ADD3: variants seen among roughly 807,000 people sequenced by gnomAD.
ADD3 encodes adducin 3, also known as gamma-adducin.
In ADD3, 25 loss-of-function variants were observed where a neutral mutation model predicts 80.2. The observed-to-expected ratio is 0.31, with a 90% CI of 0.23 to 0.44. The LOEUF (loss-of-function observed/expected upper bound fraction) is 0.44. Among genes scored for constraint, ADD3 ranks in the 20% least tolerant of loss-of-function variants. The pLI is 1.00. For synonymous variants in ADD3, 284 were observed against 289.6 expected, an observed-to-expected ratio of 0.98 and a Z score of 0.20; for missense variants, 829 against 847.5, an observed-to-expected ratio of 0.98 and a Z score of 0.27.
At chr10:110,043,050 A>G (rs912891370) in intron 1 of ADD3, among the ~76,000 whole-genome samples, 12 of 152,226 alleles carry the variant, frequency 7.9e-5, no homozygotes, top group African/African-American at 1.9e-4. Flanking sequence ...TCTTGGCTCA[A>G]TGATCAAGAA....
At chr10:110,022,059 C>G (rs1564849417) in intron 1 of ADD3, among the ~76,000 whole-genome samples, 1 of 152,108 alleles carries the variant, frequency 6.6e-6, no homozygotes, top group Non-Finnish European at 1.5e-5. Flanking sequence ...CTTAAAGAGG[C>G]TAGGTTAAGA....
intron 3 of ADD3, among the ~76,000 whole-genome samples, chr10:110,115,319 G>A (rs1565006640): frequency 6.6e-6 from 1 of 152,114 alleles, no homozygotes; most frequent in African/African-American, 2.4e-5. Flanking sequence ...AACCTGGGAG[G>A]TGGATGTTGC....
At chr10:110,121,893 AG>A (rs569676331) in intron 8 of ADD3, 92 of 399,894 alleles carry the variant, frequency 2.3e-4, no homozygotes, top group African/African-American at 1.8e-3. Context: ...GTTTTCCATC[AG>A]GGAGGATCAG....
chr10:110,063,780 T>TAA lies in ADD3; in HGVS notation c.-29-36844_-29-36843insAA, dbSNP rs1279700118. Among the ~76,000 whole-genome samples the TAA allele has an allele frequency of 8.0e-5, 9 of 112,576 alleles. 1 individual carries two copies. The highest frequency in any genetic ancestry group is 3.0e-4 in the African/African-American group (9 of 29,542). The allele number at this position is 112,576 out of a possible 152,430, so 73.9% of individuals were successfully genotyped here. A position where few individuals can be genotyped will look rare whatever the true frequency, so the allele number is the denominator to read the frequency against. On this transcript the variant is annotated intron_variant, in intron 1 of 14. Coordinates refer to ENST00000356080, the MANE Select transcript of ADD3 (RefSeq NM_016824.5). ...ATATATATATATATATATATATATA[T>TAA]ATAAAGTGAACACCGTGTGTAACCT...
At chr10:110,117,572 A>G (rs1253829345) in intron 5 of ADD3, 150 bp downstream of exon 5, 2 of 578,128 alleles carry the variant, frequency 3.5e-6, no homozygotes, top group African/African-American at 1.9e-5. Context: ...ATGTTGTTTT[A>G]GGGAAAAGCT....
At chr10:110,116,223 G>T in intron 3 of ADD3, 36 bp from the exon 4 acceptor site, 1 of 1,608,006 alleles carries the variant, frequency 6.2e-7, no homozygotes, top group South Asian at 1.1e-5. Flanking sequence ...GGGATTGCAT[G>T]ACTCGTATCT....
At chr10:110,127,804 A>G (rs1267402697) in intron 12 of ADD3, among the ~76,000 whole-genome samples, 4 of 152,242 alleles carry the variant, frequency 2.6e-5, no homozygotes, top group African/African-American at 9.6e-5. Context: ...CGTTTCCTGT[A>G]TCTTGTGTCT....
At chr10:110,008,625 G>A (rs1851939670) in intron 1 of ADD3, among the ~76,000 whole-genome samples, 2 of 152,150 alleles carry the variant, frequency 1.3e-5, no homozygotes, top group Admixed American at 6.5e-5. Context: ...GGAAGGCGGG[G>A]AGTACCAAAA....
At chr10:110,002,525 C>T (rs941401574), upstream of ADD3, among the ~76,000 whole-genome samples, 2 of 152,024 alleles carry the variant, frequency 1.3e-5, no homozygotes, top group African/African-American at 4.8e-5. Context: ...CTGCCTACCT[C>T]GGCCTCCCAA....
At position 110,125,958 on chromosome 10, in the gene ADD3, C is replaced by G. The variant is rs543959358; in HGVS notation, c.1521+13C>G. The G allele has an allele frequency of 2.5e-6, 4 of 1,583,192 alleles. No homozygotes were observed. The South Asian group carries it at 3.4e-5, about 13-fold the overall frequency. ...AAAGAGAAATAAGGTAAGACATGGT[C>G]TTCTATAGCCAGGGGAGACATTTTA... On this transcript the variant is annotated intron_variant, in intron 11 of 14. Transcript: ENST00000356080.
At chr10:110,089,430 A>G (rs980786326) in intron 1 of ADD3, among the ~76,000 whole-genome samples, 1 of 152,046 alleles carries the variant, frequency 6.6e-6, no homozygotes, top group African/African-American at 2.4e-5. Context: ...TAATCAATCC[A>G]CTAGTCTCTG....
At chr10:110,063,483 T>C (rs960461216) in intron 1 of ADD3, among the ~76,000 whole-genome samples, 3 of 151,806 alleles carry the variant, frequency 2.0e-5, no homozygotes, top group African/African-American at 4.8e-5. Flanking sequence ...GATTACTTCT[T>C]ATAAGAAATT....
intron 1 of ADD3, among the ~76,000 whole-genome samples, chr10:110,013,399 G>C (rs577051090): frequency 1.3e-5 from 2 of 152,128 alleles, no homozygotes; most frequent in African/African-American, 4.8e-5. Flanking sequence ...CACTGCACTC[G>C]GCCAAGGCTA....
At chr10:110,072,943 T>G (rs1308848664) in intron 1 of ADD3, among the ~76,000 whole-genome samples, 1 of 151,974 alleles carries the variant, frequency 6.6e-6, no homozygotes, top group Non-Finnish European at 1.5e-5. Context: ...TGTCCAGGCC[T>G]TTTTTTCTCC....
chr10:110,013,198 G>C (rs886263838), intron 1 of ADD3, among the ~76,000 whole-genome samples: 5 of 152,152 alleles, frequency 3.3e-5, no homozygotes, highest in African/African-American at 1.2e-4. Context: ...TGCCTTCTGG[G>C]TTCAAGCGAT....
At chr10:110,053,485 T>TA (rs1309517443) in intron 1 of ADD3, among the ~76,000 whole-genome samples, 3 of 152,146 alleles carry the variant, frequency 2.0e-5, no homozygotes, top group African/African-American at 7.2e-5. Flanking sequence ...AATTAGTACA[T>TA]ATGCTGTAAT....
intron 1 of ADD3, among the ~76,000 whole-genome samples, chr10:110,018,715 T>G (rs2133057428): frequency 6.6e-6 from 1 of 152,280 alleles, no homozygotes; most frequent in Non-Finnish European, 1.5e-5. Context: ...AGATAGTTTA[T>G]AATAGTGGTT....
At chr10:110,043,237 CT>C (rs1405330112) in intron 1 of ADD3, among the ~76,000 whole-genome samples, 2 of 152,182 alleles carry the variant, frequency 1.3e-5, no homozygotes, top group African/African-American at 4.8e-5. Context: ...ATGAGTATTT[CT>C]TTTAACTTGC....
intron 1 of ADD3, among the ~76,000 whole-genome samples, chr10:110,052,935 T>C (rs1342459201): frequency 2.6e-5 from 4 of 152,160 alleles, no homozygotes; most frequent in African/African-American, 9.7e-5. Context: ...GTATGTTCTA[T>C]GAAGATATAA....
Sources: gnomAD v4.1 joint callset for allele counts (sites outside exome capture counted in the v4.1 genomes callset) on GRCh38, gnomAD v4.1.1 for gene constraint, MANE v1.5 for transcripts, NCBI Gene and HGNC (gene_info 2026-07-23, HGNC 2026-07-21) for gene names.